Variants in YTHDF2 observed in about 807,000 individuals in gnomAD.
YTHDF2 encodes YTH N6-methyladenosine RNA binding protein F2, also known as YTH domain-containing family protein 2.
YTHDF2 carries 2 observed loss-of-function variants against 50.4 expected under a neutral mutation model. The observed-to-expected ratio is 0.04, with a 90% CI of 0.02 to 0.12. The LOEUF is 0.12. YTHDF2 is among the 10% of genes least tolerant of loss of function. YTHDF2 has a pLI of 1.00. For missense variants in YTHDF2, 483 were observed against 722.6 expected (o/e 0.67, Z 3.80); for synonymous variants, 217 against 255.6 (o/e 0.85, Z 1.44).
intron 2 of YTHDF2, 30 bp downstream of exon 2, chr1:28,737,712 C>G (rs775029183): frequency 3.1e-6 from 5 of 1,612,126 alleles, no homozygotes; most frequent in Non-Finnish European, 4.2e-6. Flanking sequence ...TGGCCCTGAG[C>G]CGGGAGGGGG....
intron 3 of YTHDF2, 125 bp from the exon 4 acceptor site, chr1:28,742,278 A>T (rs2087788109): frequency 2.5e-5 from 32 of 1,258,144 alleles, no homozygotes; most frequent in Non-Finnish European, 3.0e-5. Flanking sequence ...TACAGGTGTG[A>T]GCCACCGCGT....
chr1:28,760,711 G>C (rs2088110595), intron 4 of YTHDF2, among the ~76,000 whole-genome samples: 1 of 151,906 alleles, frequency 6.6e-6, no homozygotes, highest in Non-Finnish European at 1.5e-5. Context: ...CTCCCAAGTA[G>C]CTGGGACTAC....
At chr1:28,753,916 A>G (rs1025032876) in intron 4 of YTHDF2, among the ~76,000 whole-genome samples, 6 of 151,990 alleles carry the variant, frequency 3.9e-5, no homozygotes, top group Non-Finnish European at 7.4e-5. Flanking sequence ...CATGTTGGCT[A>G]GGCTGGTCTC....
chr1:28,745,736 C>CCCCCAA (rs1491144713), intron 4 of YTHDF2, among the ~76,000 whole-genome samples: 1 of 108,340 alleles, frequency 9.2e-6, no homozygotes, highest in Non-Finnish European at 2.0e-5. Flanking sequence ...CCCCCCCCCC[C>CCCCCAA]AAAAAAAAAC....
At chr1:28,745,813 G>A (rs2087850797) in intron 4 of YTHDF2, among the ~76,000 whole-genome samples, 1 of 149,848 alleles carries the variant, frequency 6.7e-6, no homozygotes, top group Non-Finnish European at 1.5e-5. Context: ...GACGAGGCAG[G>A]AGGATTGCCT....
Position 28,768,989 on chromosome 1 carries a change from C to T in YTHDF2, c.*37C>T. On this transcript the variant is annotated 3_prime_UTR_variant, in exon 5 of 5. Transcript: ENST00000373812. The stretch of plus-strand genomic sequence containing the variant: ...ACACAGACTGCAGCAACGGTTGCAT[C>T]TGCATATCCTAAGAGGAAAAAATGA... 6.5e-7 allele frequency: 1 copy of T among 1,536,948 alleles called. No individual in the cohort carries two copies. The highest frequency in any genetic ancestry group is 8.8e-7 in the Non-Finnish European group (1 of 1,137,722).
intron 3 of YTHDF2, among the ~76,000 whole-genome samples, chr1:28,739,585 G>A (rs1015374554): frequency 1.3e-5 from 2 of 151,812 alleles, no homozygotes; most frequent in African/African-American, 4.8e-5. Flanking sequence ...ACAGGTGTGA[G>A]CCACCATGCC....
At chr1:28,758,820 G>A (rs2088071610) in intron 4 of YTHDF2, among the ~76,000 whole-genome samples, 1 of 152,166 alleles carries the variant, frequency 6.6e-6, no homozygotes, top group Non-Finnish European at 1.5e-5. Flanking sequence ...GGCCTGCACA[G>A]TGGTGAGGAG....
At position 28,738,105 on chromosome 1, in the gene YTHDF2, G is replaced by T. The variant is rs140891182; in HGVS notation, c.53-154G>T. Among the ~76,000 whole-genome samples the T allele has an allele frequency of 1.2e-4, 18 of 152,244 alleles. No homozygotes were observed. In the East Asian group the frequency reaches 3.5e-3, roughly 29 times the overall value. On this transcript the variant is annotated intron_variant, in intron 2 of 4. Transcript: ENST00000373812. ...GGGGACATTTTCACTGGCGACTGTC[G>T]CTTCAGCATTCACTGTCATCTCTTA...
At chr1:28,749,134 A>G (rs1020230418) in intron 4 of YTHDF2, among the ~76,000 whole-genome samples, 2 of 149,232 alleles carry the variant, frequency 1.3e-5, no homozygotes, top group African/African-American at 2.5e-5. Flanking sequence ...TCATTGTGCA[A>G]CTGTTATCTA....
Position 28,760,271 on chromosome 1 carries a change from T to TTGTGTG in YTHDF2, c.1717-8619_1717-8614dup, listed in dbSNP as rs28969505. ...ATATATAAGCCAATAACATAGTAGG[T>TTGTGTG]TGTGTGTGTGTGTGTGTGTGTGTGT... On this transcript the variant is annotated intron_variant, in intron 4 of 4. Coordinates refer to ENST00000373812, the MANE Select transcript of YTHDF2 (RefSeq NM_016258.3). Among the ~76,000 whole-genome samples the TTGTGTG allele has an allele frequency of 3.8e-3, 554 of 147,350 alleles. 8 individuals carry two copies. Among genetic ancestry groups the TTGTGTG allele is most frequent in the East Asian group, 0.031 (150 of 4,812 alleles).
chr1:28,753,866 C>T (rs1363442013), intron 4 of YTHDF2, among the ~76,000 whole-genome samples: 5 of 151,902 alleles, frequency 3.3e-5, no homozygotes, highest in Admixed American at 3.3e-4. Context: ...GTCACCACGC[C>T]CAGCTAATTT....
rs188632185 is a variant in YTHDF2 at position 28,751,650 on chromosome 1, A to T, written c.1716+7664A>T. Among the ~76,000 whole-genome samples the T allele has an allele frequency of 2.6e-5, 4 of 152,328 alleles. No individual in the cohort carries two copies. In the East Asian group the frequency reaches 7.7e-4, roughly 29 times the overall value. Reference sequence around the variant, plus strand: ...AGAGAATAGATAACATTGAATTTGTATCTCTGAACCATGCCCCTTGTATCT... The same window carrying T: ...AGAGAATAGATAACATTGAATTTGTTTCTCTGAACCATGCCCCTTGTATCT... On this transcript the variant is annotated intron_variant, in intron 4 of 4. Coordinates refer to ENST00000373812, the MANE Select transcript of YTHDF2 (RefSeq NM_016258.3).
intron 3 of YTHDF2, among the ~76,000 whole-genome samples, chr1:28,741,412 C>T (rs1459637123): frequency 6.6e-6 from 1 of 152,192 alleles, no homozygotes; most frequent in Non-Finnish European, 1.5e-5. Flanking sequence ...ATTCTACCGC[C>T]TCAGCCTCCT....
intron 3 of YTHDF2, chr1:28,740,449 T>C (rs2087758476): frequency 6.6e-6 from 1 of 152,218 alleles, no homozygotes; most frequent in South Asian, 2.1e-4. Flanking sequence ...GCTAATAATA[T>C]AAATCTTAGA....
intron 4 of YTHDF2, among the ~76,000 whole-genome samples, chr1:28,765,991 C>G (rs1345665854): frequency 6.6e-6 from 1 of 152,212 alleles, no homozygotes; most frequent in Non-Finnish European, 1.5e-5. Flanking sequence ...ACCCACAGAT[C>G]TTATTCAGAC....
intron 4 of YTHDF2, among the ~76,000 whole-genome samples, chr1:28,747,547 T>A (rs900676260): frequency 4.9e-5 from 7 of 143,640 alleles, no homozygotes; most frequent in Middle Eastern, 3.6e-3. Flanking sequence ...AACCATTCCA[T>A]AAAGACTTTT....
intron 3 of YTHDF2, among the ~76,000 whole-genome samples, chr1:28,739,858 G>A (rs2124626466): frequency 6.6e-6 from 1 of 152,272 alleles, no homozygotes; most frequent in East Asian, 1.9e-4. Flanking sequence ...TGATTCCAAA[G>A]ACAGTTACAC....
At chr1:28,762,381 G>C (rs1263662312) in intron 4 of YTHDF2, among the ~76,000 whole-genome samples, 1 of 152,198 alleles carries the variant, frequency 6.6e-6, no homozygotes, top group Non-Finnish European at 1.5e-5. Flanking sequence ...AACAGAGCGA[G>C]ACTCTGTCTC....
Sources: allele counts gnomAD v4.1 joint callset (sites outside exome capture counted in the v4.1 genomes callset), GRCh38; gene constraint gnomAD v4.1.1; transcripts MANE v1.5; gene names NCBI Gene and HGNC (gene_info 2026-07-23, HGNC 2026-07-21).